Variants in HSDL1 observed in about 807,000 individuals in gnomAD.
The protein encoded by HSDL1 is inactive hydroxysteroid dehydrogenase-like protein 1.
A neutral mutation model predicts 31.5 loss-of-function variants in HSDL1; 29 were observed. That is an observed-to-expected ratio of 0.92 (90% CI 0.69 to 1.26). The LOEUF is 1.26. Among genes scored for constraint, HSDL1 ranks in the 50% most tolerant of loss-of-function variants. The pLI is 0.00. For synonymous variants in HSDL1, 222 were observed against 155.2 expected, an observed-to-expected ratio of 1.43 and a Z score of -3.20; for missense variants, 503 against 416.6, an observed-to-expected ratio of 1.21 and a Z score of -1.81.
chr16:84,142,196 G>C (rs950252608), intron 1 of HSDL1, among the ~76,000 whole-genome samples: 2 of 152,126 alleles, frequency 1.3e-5, no homozygotes, highest in Admixed American at 6.5e-5. Context: ...CCAAAGTGCT[G>C]GGATTACAGG....
chr16:84,131,357 C>T (rs1480980536), intron 2 of HSDL1, 30 bp from the exon 3 acceptor site: 2 of 1,459,736 alleles, frequency 1.4e-6, no homozygotes, highest in East Asian at 4.5e-5. Context: ...GAGAGAGCCT[C>T]TTTGATTAAT....
chr16:84,141,249 C>G (rs2086766810), intron 1 of HSDL1, among the ~76,000 whole-genome samples: 1 of 152,180 alleles, frequency 6.6e-6, no homozygotes, highest in African/African-American at 2.4e-5. Flanking sequence ...TCCTCCTCGG[C>G]AGCTGCACAG....
chr16:84,138,890 G>T (rs540490103), intron 1 of HSDL1, among the ~76,000 whole-genome samples: 1 of 152,292 alleles, frequency 6.6e-6, no homozygotes, highest in East Asian at 1.9e-4. Flanking sequence ...CACCACTGCT[G>T]TGGCCTGTAA....
In HSDL1 at chr16:84,129,694, A is replaced by G. The variant is rs1380257114; in HGVS notation, c.748T>C (p.Tyr250His). ...GIFVQSLIPF[Y>H]VATSMTAPSN... ...GGTGCTGTCATGCTGGTGGCTACAT[A>G]GAAAGGGATTAGACTCTGTACAAAG... The change falls in exon 5 of 6, where the codon TAT becomes CAT. Residue 250 changes from tyrosine to histidine, a missense_variant. By Grantham distance (83) the Tyr-to-His change is moderately conservative. Coordinates refer to ENST00000219439, the MANE Select transcript of HSDL1 (RefSeq NM_031463.5). 1.5e-5 allele frequency: 24 copies of G among 1,614,134 alleles called. No individual in the cohort carries two copies. Among genetic ancestry groups the G allele is most frequent in the Non-Finnish European group, 2.0e-5 (24 of 1,180,046 alleles).
At chr16:84,128,161 C>T (rs1339335812) in intron 5 of HSDL1, among the ~76,000 whole-genome samples, 3 of 151,782 alleles carry the variant, frequency 2.0e-5, no homozygotes, top group Middle Eastern at 3.4e-3. Context: ...TGGTGGCAGG[C>T]ACCTGTAGTC....
chr16:84,140,817 TTGC>T (rs1321384553), intron 1 of HSDL1, among the ~76,000 whole-genome samples: 1 of 152,034 alleles, frequency 6.6e-6, no homozygotes, highest in East Asian at 1.9e-4. Flanking sequence ...AGTAACAGTA[TTGC>T]TGGCCGGGCG....
chr16:84,141,875 T>A (rs1322437067), intron 1 of HSDL1, among the ~76,000 whole-genome samples: 1 of 152,242 alleles, frequency 6.6e-6, no homozygotes, highest in Admixed American at 6.5e-5. Flanking sequence ...ATATTCTAGA[T>A]ACTAGCTCTC....
At position 84,122,914 on chromosome 16, in the gene HSDL1, C is replaced by T. The variant is rs2086568513; in HGVS notation, c.*1716G>A. The T allele has an allele frequency of 6.6e-6, 1 of 152,166 alleles. No individual in the cohort carries two copies. Among genetic ancestry groups the T allele is most frequent in the Non-Finnish European group, 1.5e-5 (1 of 68,042 alleles). 9.4% of individuals were successfully genotyped at this position (152,166 alleles called of 1,614,324 possible). On this transcript the variant is annotated 3_prime_UTR_variant, in exon 6 of 6. Transcript: ENST00000219439. ...TCTCATCACGTAACACTGATGGATT[C>T]CATACCTAATTTATCAATCTAAGAC...
chr16:84,136,743 G>C (rs1400112281), intron 1 of HSDL1, among the ~76,000 whole-genome samples: 1 of 152,214 alleles, frequency 6.6e-6, no homozygotes, highest in East Asian at 1.9e-4. Flanking sequence ...GCCATCGTGT[G>C]CAAGTACCTT....
chr16:84,129,225 C>T (rs576111948), intron 5 of HSDL1, among the ~76,000 whole-genome samples: 129 of 151,742 alleles, frequency 8.5e-4, no homozygotes, highest in Non-Finnish European at 1.6e-3. Flanking sequence ...ACTAAAAATA[C>T]AAAAATTAGC....
intron 2 of HSDL1, among the ~76,000 whole-genome samples, chr16:84,132,270 G>C (rs2086676590): frequency 1.3e-5 from 2 of 152,154 alleles, no homozygotes; most frequent in African/African-American, 4.8e-5. Flanking sequence ...CCTGTGTAGG[G>C]ACAAAGGAGA....
At chr16:84,131,359 T>C (rs199873518) in intron 2 of HSDL1, 32 bp from the exon 3 acceptor site, 2 of 1,449,382 alleles carry the variant, frequency 1.4e-6, no homozygotes, top group South Asian at 2.3e-5. Context: ...GAGAGCCTCT[T>C]TGATTAATAA....
At position 84,131,290 on chromosome 16, in the gene HSDL1, T is replaced by C; in HGVS notation, c.32A>G (p.Tyr11Cys). MAAVDSFYLL[Y>C]REIARSCNCY... ...ATTGCAAGACCTGGCGATTTCCCTG[T>C]ACAAGAGGTAGAAACTGTCAACAGC... Residue 11 changes from tyrosine to cysteine, a missense_variant, in exon 3 of 6, where the codon TAC becomes TGC. Coordinates refer to ENST00000219439, the MANE Select transcript of HSDL1 (RefSeq NM_031463.5). The C allele has an allele frequency of 6.2e-7, 1 of 1,614,070 alleles. No homozygotes were observed. Among genetic ancestry groups the C allele is most frequent in the Non-Finnish European group, 8.5e-7 (1 of 1,179,980 alleles).
intron 1 of HSDL1, among the ~76,000 whole-genome samples, chr16:84,138,239 A>G (rs1490019926): frequency 1.3e-5 from 2 of 152,258 alleles, no homozygotes; most frequent in African/African-American, 4.8e-5. Context: ...ATTCTGATTC[A>G]TGTACAATCT....
chr16:84,126,806 A>G (rs984718772), intron 5 of HSDL1, among the ~76,000 whole-genome samples: 1 of 152,242 alleles, frequency 6.6e-6, no homozygotes. Context: ...GAAATATGCC[A>G]TGGACAAAAC....
intron 1 of HSDL1, among the ~76,000 whole-genome samples, chr16:84,137,533 C>T (rs1484749121): frequency 1.3e-5 from 2 of 152,156 alleles, no homozygotes; most frequent in Non-Finnish European, 2.9e-5. Flanking sequence ...GCTCCTGAGC[C>T]CTGGTTACTC....
In HSDL1 at chr16:84,129,561, G is replaced by A. The variant is rs1243872683; in HGVS notation, c.881C>T (p.Ser294Phe). The A allele has an allele frequency of 1.2e-6, 2 of 1,612,896 alleles. No individual in the cohort carries two copies. Among genetic ancestry groups the A allele is most frequent in the Non-Finnish European group, 1.7e-6 (2 of 1,178,974 alleles). The change falls in exon 5 of 6, where the codon TCC becomes TTC. Residue 294 changes from serine to phenylalanine, a missense_variant. Transcript: ENST00000219439. ...GCACACTCCTACCTGAATAGAATGG[G>A]ACCAATATCCTGTGGTCCTTTTGGA... is the stretch of plus-strand genomic sequence containing the variant. The part of the protein sequence containing the change: ...GISKRTTGYW[S>F]HSIQFLFAQY...
intron 2 of HSDL1, among the ~76,000 whole-genome samples, chr16:84,135,152 G>C (rs1283645122): frequency 6.6e-6 from 1 of 151,828 alleles, no homozygotes; most frequent in Non-Finnish European, 1.5e-5. Flanking sequence ...AGAATGGCAT[G>C]AACCGGGGAG....
At position 84,129,989 on chromosome 16, in the gene HSDL1, A is replaced by T. The variant is rs181108080; in HGVS notation, c.663T>A (p.Ser221=). 2 of 1,612,412 alleles carry T rather than the reference A, an allele frequency of 1.2e-6. No individual in the cohort carries two copies. Among genetic ancestry groups the T allele is most frequent in the East Asian group, 4.5e-5 (2 of 44,866 alleles). ...CTTCCAGTAAGTAACATCTGACCTT[A>T]GAAGCAGAAAATGCAGCCAGCTGAG... The part of the protein sequence containing the change: ...PTPQLAAFSA[S]KAYLDHFSRA... The change falls in exon 4 of 6, where the codon TCT becomes TCA. Residue 221 remains serine (S), a synonymous_variant. Transcript: ENST00000219439.
Sources: gnomAD v4.1 joint callset for allele counts (sites outside exome capture counted in the v4.1 genomes callset) on GRCh38, gnomAD v4.1.1 for gene constraint, MANE v1.5 for transcripts, NCBI Gene and HGNC (gene_info 2026-07-23, HGNC 2026-07-21) for gene names.